The following BIRC6 variants were observed in gnomAD, a reference collection of about 807,000 sequenced individuals.
BIRC6 encodes dual E2 ubiquitin-conjugating enzyme/E3 ubiquitin-protein ligase BIRC6.
A neutral mutation model predicts 503.3 loss-of-function variants in BIRC6; 98 were observed. The observed-to-expected ratio is 0.19, with a 90% CI of 0.17 to 0.23. The LOEUF (loss-of-function observed/expected upper bound fraction) is 0.23, where lower values mean the gene tolerates loss of function less well. BIRC6 is among the 10% of genes least tolerant of loss of function. The pLI, the probability that BIRC6 is intolerant of heterozygous loss-of-function variation, is 1.00. For synonymous variants in BIRC6, 2,240 were observed against 2,078.7 expected (o/e 1.08, Z -2.11); for missense variants, 5,360 against 5,806.0 (o/e 0.92, Z 2.50).
At chr2:32,369,960 A>G (rs1558541334) in intron 1 of BIRC6, among the ~76,000 whole-genome samples, 3 of 60,994 alleles carry the variant, frequency 4.9e-5, no homozygotes, top group Non-Finnish European at 9.7e-5. Context: ...ATATATATAT[A>G]TATATATATA....
In BIRC6 at chr2:32,507,619, T is replaced by G. The variant is rs144257579; in HGVS notation, c.9701-361T>G. 4.2e-3 allele frequency among the ~76,000 whole-genome samples: 635 copies of G among 152,366 alleles called. 3 individuals are homozygous for G. Among genetic ancestry groups the G allele is most frequent in the African/African-American group, 0.014 (600 of 41,584 alleles). Reference sequence around the variant, plus strand: ...CATATTAATCAAAGGTAGTTTTGTATTATTTGTGATAATTTTGAGTAAAAT... The same window carrying G: ...CATATTAATCAAAGGTAGTTTTGTAGTATTTGTGATAATTTTGAGTAAAAT... On this transcript the variant is annotated intron_variant, in intron 50 of 73. Transcript: ENST00000421745.
At chr2:32,400,106 T>C (rs1173539199) in intron 6 of BIRC6, among the ~76,000 whole-genome samples, 1 of 152,130 alleles carries the variant, frequency 6.6e-6, no homozygotes, top group Non-Finnish European at 1.5e-5. Flanking sequence ...TATTTTATAT[T>C]TCTTAAACTT....
intron 42 of BIRC6, among the ~76,000 whole-genome samples, chr2:32,489,829 C>A (rs1299196939): frequency 6.6e-6 from 1 of 152,088 alleles, no homozygotes; most frequent in African/African-American, 2.4e-5. Context: ...GTGTTGTGGG[C>A]TGAGCTTTAA....
chr2:32,609,392 G>A (rs543907456), intron 72 of BIRC6, among the ~76,000 whole-genome samples: 2 of 151,522 alleles, frequency 1.3e-5, no homozygotes, highest in East Asian at 1.9e-4. Flanking sequence ...ATCAAATGAC[G>A]TTAGCATCAC....
intron 46 of BIRC6, 124 bp downstream of exon 46, chr2:32,500,233 C>A: frequency 4.8e-6 from 4 of 841,934 alleles, no homozygotes; most frequent in Non-Finnish European, 7.1e-6. Context: ...CTTTTCATGA[C>A]TGATTTTTAT....
In BIRC6 at chr2:32,357,361, C is replaced by T. The variant is rs1473999620; in HGVS notation, c.200C>T (p.Ala67Val). 6.5e-7 allele frequency: 1 copy of T among 1,546,828 alleles called. No homozygotes were observed. The highest frequency in any genetic ancestry group is 1.2e-5 in the South Asian group (1 of 83,854). The change falls in exon 1 of 74, where the codon GCC (alanine) becomes GTC (valine). Residue 67 changes from alanine (A) to valine (V), a missense_variant. By Grantham distance (64) the Ala-to-Val change is moderately conservative. Transcript: ENST00000421745. This position sits in a 1 kb window ranked among gnomAD's most constrained non-coding sequence, Gnocchi z 4.9. ...VLRDGCMHCD[A>V]DGLHSLSYHP... ...CGGGACGGCTGCATGCACTGCGACG[C>T]CGACGGGCTGCACAGCCTGTCCTAC...
intron 49 of BIRC6, among the ~76,000 whole-genome samples, chr2:32,504,034 T>TGTGTG (rs2053513911): frequency 5.1e-5 from 4 of 78,228 alleles, no homozygotes; most frequent in East Asian, 4.4e-4. Context: ...GGGGGGGTGT[T>TGTGTG]TGTGTGTGTG....
chr2:32,487,668 C>A lies in BIRC6; in HGVS notation c.7835C>A (p.Thr2612Lys), dbSNP rs755868637. The A allele has an allele frequency of 1.2e-6, 2 of 1,613,580 alleles. No individual in the cohort carries two copies. The highest frequency in any genetic ancestry group is 2.7e-5 in the African/African-American group (2 of 75,016). ...TCAGTATCACAGTCTCCCACTGGAACAGATGATTCACTTCTAGGGGGTTTA... is the reference window on the plus strand; with the variant it reads ...TCAGTATCACAGTCTCCCACTGGAAAAGATGATTCACTTCTAGGGGGTTTA... ...SPTLSQSPTG[T>K]DDSLLGGLQA... The change falls in exon 41 of 74, where the codon ACA becomes AAA. Residue 2612 changes from threonine to lysine, a missense_variant. Physicochemically the swap from Thr to Lys is moderately conservative, Grantham distance 78. This residue lies in a region of BIRC6 where 2,299 missense variants were observed against 2,267.2 expected (regional missense o/e 1.01). Transcript: ENST00000421745.
intron 42 of BIRC6, among the ~76,000 whole-genome samples, chr2:32,488,979 A>T (rs918355159): frequency 2.6e-5 from 4 of 151,622 alleles, no homozygotes; most frequent in Non-Finnish European, 4.4e-5. Context: ...TTACTCCTTT[A>T]TATTTTCTTG....
At chr2:32,358,772 C>G (rs1158656957) in intron 1 of BIRC6, among the ~76,000 whole-genome samples, 1 of 152,142 alleles carries the variant, frequency 6.6e-6, no homozygotes, top group African/African-American at 2.4e-5. Flanking sequence ...TGTATAGTTT[C>G]AGGATATAAA....
At chr2:32,568,245 C>T (rs144267621) in intron 65 of BIRC6, among the ~76,000 whole-genome samples, 29 of 147,766 alleles carry the variant, frequency 2.0e-4, no homozygotes, top group African/African-American at 6.7e-4. Context: ...AATCGTAACA[C>T]GTTAGGAGGC....
intron 6 of BIRC6, 109 bp from the exon 7 acceptor site, chr2:32,401,054 A>G (rs2040552087): frequency 1.1e-6 from 1 of 885,894 alleles, no homozygotes; most frequent in Non-Finnish European, 1.7e-6. Context: ...TTAATGATGA[A>G]TACTTTAAGT....
chr2:32,607,755 A>G, intron 72 of BIRC6, 112 bp downstream of exon 72: 1 of 841,762 alleles, frequency 1.2e-6, no homozygotes, highest in Non-Finnish European at 1.7e-6. Flanking sequence ...AGGCAGGTGG[A>G]TCACTTCAGG....
In BIRC6 at chr2:32,439,493, A is replaced by G. The variant is rs746827248; in HGVS notation, c.3632-15A>G. ...GTGATTCAGTTATTTTCCCCATTCTACTCCACTTCTCTAGGTATGGCAGGA... is the reference window on the plus strand; with the variant it reads ...GTGATTCAGTTATTTTCCCCATTCTGCTCCACTTCTCTAGGTATGGCAGGA... On this transcript the variant is annotated splice_polypyrimidine_tract_variant and intron_variant, in intron 15 of 73. Coordinates refer to ENST00000421745, the MANE Select transcript of BIRC6 (RefSeq NM_016252.4). The G allele has an allele frequency of 6.2e-7, 1 of 1,607,698 alleles. No individual in the cohort carries two copies. The highest frequency in any genetic ancestry group is 8.5e-7 in the Non-Finnish European group (1 of 1,176,002).
At chr2:32,502,925 G>A (rs1171088817) in intron 48 of BIRC6, 34 bp downstream of exon 48, 11 of 1,547,202 alleles carry the variant, frequency 7.1e-6, no homozygotes, top group South Asian at 2.3e-5. Context: ...TCATTTAAGT[G>A]TAGTTATGTG....
chr2:32,504,034 T>TTTTGTGTG (rs2053514939), intron 49 of BIRC6, among the ~76,000 whole-genome samples: 1 of 78,228 alleles, frequency 1.3e-5, no homozygotes, highest in Non-Finnish European at 2.3e-5. Flanking sequence ...GGGGGGGTGT[T>TTTTGTGTG]TGTGTGTGTG....
intron 65 of BIRC6, among the ~76,000 whole-genome samples, chr2:32,570,964 A>G (rs560950422): frequency 4.0e-4 from 61 of 151,154 alleles, no homozygotes; most frequent in African/African-American, 1.4e-3. Flanking sequence ...CATCTGGCTT[A>G]TTTTATTTTA....
intron 1 of BIRC6, among the ~76,000 whole-genome samples, chr2:32,372,278 G>T (rs1369735766): frequency 6.6e-6 from 1 of 152,008 alleles, no homozygotes. Context: ...AATTCCCTGT[G>T]GTATCACTTT....
chr2:32,477,307 A>G (rs1311749019), intron 34 of BIRC6, 61 bp from the exon 35 acceptor site: 9 of 1,529,882 alleles, frequency 5.9e-6, no homozygotes, highest in Middle Eastern at 1.8e-4. Flanking sequence ...ACATAAATCT[A>G]TACTGAAAAA....
Sources: allele counts gnomAD v4.1 joint callset (sites outside exome capture counted in the v4.1 genomes callset), GRCh38; gene constraint gnomAD v4.1.1; regional missense constraint gnomAD v4.1.1; non-coding constraint Gnocchi (gnomAD v3.1); transcripts MANE v1.5; gene names NCBI Gene and HGNC (gene_info 2026-07-23, HGNC 2026-07-21).